The following CCDC146 variants were observed in gnomAD, a reference collection of about 807,000 sequenced individuals.
CCDC146 encodes coiled-coil domain containing 146.
A neutral mutation model predicts 119.3 loss-of-function variants in CCDC146; 92 were observed. The ratio of observed to expected loss-of-function variants is 0.77; its 90% CI spans 0.65 to 0.92. The LOEUF is 0.92. CCDC146 is among the 40% of genes least tolerant of loss of function. The pLI is 0.00. For synonymous variants in CCDC146, 372 were observed against 371.8 expected, an observed-to-expected ratio of 1.00 and a Z score of -0.01; for missense variants, 1,000 against 1,103.0, an observed-to-expected ratio of 0.91 and a Z score of 1.32.
intron 4 of CCDC146, among the ~76,000 whole-genome samples, chr7:77,250,071 CT>C (rs1240807794): frequency 6.6e-6 from 1 of 152,152 alleles, no homozygotes; most frequent in Admixed American, 6.5e-5. Flanking sequence ...ACTTCAAGTA[CT>C]TTTTAAGTAA....
At chr7:77,263,994 A>AGTAG in intron 9 of CCDC146, among the ~76,000 whole-genome samples, 1 of 152,166 alleles carries the variant, frequency 6.6e-6, no homozygotes, top group African/African-American at 2.4e-5. Flanking sequence ...AAAACCAATA[A>AGTAG]AACATGTATG....
At chr7:77,258,575 T>A (rs1271258893) in intron 6 of CCDC146, among the ~76,000 whole-genome samples, 2 of 152,224 alleles carry the variant, frequency 1.3e-5, no homozygotes, top group Non-Finnish European at 2.9e-5. Context: ...ATAATAAGCT[T>A]TGTATTAGGT....
intron 6 of CCDC146, among the ~76,000 whole-genome samples, chr7:77,256,743 T>C (rs1793187177): frequency 6.6e-6 from 1 of 152,090 alleles, no homozygotes; most frequent in Non-Finnish European, 1.5e-5. Context: ...GCGGAAAAGG[T>C]CTCTCCTGAC....
intron 2 of CCDC146, among the ~76,000 whole-genome samples, chr7:77,209,439 C>A (rs771933540): frequency 5.3e-5 from 8 of 152,228 alleles, no homozygotes; most frequent in Non-Finnish European, 8.8e-5. Context: ...TGTGGCTCTG[C>A]AGAGTACAGC....
At chr7:77,279,126 CT>C (rs1793714279) in intron 13 of CCDC146, 25 bp downstream of exon 13, 1 of 1,595,644 alleles carries the variant, frequency 6.3e-7, no homozygotes. Context: ...AACTATTGGC[CT>C]TTCAAAGGCT....
intron 2 of CCDC146, among the ~76,000 whole-genome samples, chr7:77,232,701 CT>C (rs901764077): frequency 7.9e-5 from 12 of 152,210 alleles, no homozygotes; most frequent in Non-Finnish European, 1.8e-4. Flanking sequence ...TGCCCAGGGT[CT>C]CCCTGTAGAG....
At chr7:77,141,687 T>C (rs1223100893) in intron 1 of CCDC146, among the ~76,000 whole-genome samples, 10 of 152,284 alleles carry the variant, frequency 6.6e-5, no homozygotes, top group Non-Finnish European at 1.2e-4. Context: ...GAGCTTTTTT[T>C]CATATGTTTG....
At chr7:77,250,398 C>A (rs1442808515) in intron 4 of CCDC146, among the ~76,000 whole-genome samples, 1 of 152,186 alleles carries the variant, frequency 6.6e-6, no homozygotes, top group African/African-American at 2.4e-5. Flanking sequence ...CAATTTTTAT[C>A]TGAGAAAGGC....
At chr7:77,289,770 T>C (rs953793451) in intron 17 of CCDC146, among the ~76,000 whole-genome samples, 2 of 152,220 alleles carry the variant, frequency 1.3e-5, no homozygotes, top group African/African-American at 4.8e-5. Flanking sequence ...CAGTTAAGAC[T>C]TGGAGCAACC....
In CCDC146 at chr7:77,204,680, C is replaced by T. The variant is rs538127880; in HGVS notation, c.157-32267C>T. ...GAACTGGAATATTCCACAAGAGTCTCGGAAAGTTCATCAGTCAATACCTAT... is the reference window on the plus strand; with the variant it reads ...GAACTGGAATATTCCACAAGAGTCTTGGAAAGTTCATCAGTCAATACCTAT... On this transcript the variant is annotated intron_variant, in intron 2 of 18. Transcript: ENST00000285871. 6.6e-5 allele frequency among the ~76,000 whole-genome samples: 10 copies of T among 152,228 alleles called. No individual in the cohort carries two copies. The South Asian group carries it at 1.2e-3, about 19-fold the overall frequency.
At chr7:77,281,536 T>C (rs1793765177) in intron 14 of CCDC146, among the ~76,000 whole-genome samples, 1 of 152,218 alleles carries the variant, frequency 6.6e-6, no homozygotes, top group African/African-American at 2.4e-5. Context: ...AAGCAAACTT[T>C]GATTGTGTGC....
intron 2 of CCDC146, among the ~76,000 whole-genome samples, chr7:77,188,117 C>T (rs1210896200): frequency 3.3e-5 from 5 of 152,120 alleles, no homozygotes; most frequent in Admixed American, 6.6e-5. Context: ...GTTCTGACCA[C>T]GAGGCACCCC....
intron 12 of CCDC146, 31 bp downstream of exon 12, chr7:77,278,871 T>A: frequency 6.3e-7 from 1 of 1,597,158 alleles, no homozygotes; most frequent in Non-Finnish European, 8.6e-7. Flanking sequence ...TTTATCTACG[T>A]AGGTGAGGGG....
intron 1 of CCDC146, among the ~76,000 whole-genome samples, chr7:77,128,051 T>C (rs532495365): frequency 6.0e-4 from 92 of 152,262 alleles, no homozygotes; most frequent in African/African-American, 2.1e-3. Flanking sequence ...TATTTTACTG[T>C]GGTTTCTTTA....
intron 9 of CCDC146, among the ~76,000 whole-genome samples, chr7:77,269,144 T>C (rs1385885081): frequency 2.6e-5 from 4 of 152,148 alleles, no homozygotes; most frequent in Non-Finnish European, 5.9e-5. Context: ...CTAATTTTCT[T>C]TTTTCTTTTA....
chr7:77,163,453 A>C (rs575533283), intron 1 of CCDC146, among the ~76,000 whole-genome samples: 1 of 152,330 alleles, frequency 6.6e-6, no homozygotes, highest in African/African-American at 2.4e-5. Context: ...GTCTCAAAAA[A>C]AAAAATACAC....
At position 77,176,670 on chromosome 7, in the gene CCDC146, C is replaced by T. The variant is rs74505451; in HGVS notation, c.156+8846C>T. 2.0e-5 allele frequency among the ~76,000 whole-genome samples: 3 copies of T among 152,260 alleles called. No homozygotes were observed. In the South Asian group the frequency reaches 6.2e-4, roughly 32 times the overall value. On this transcript the variant is annotated intron_variant, in intron 2 of 18. Coordinates refer to ENST00000285871, the MANE Select transcript of CCDC146 (RefSeq NM_020879.3). ...CTTGATACCTATGTATATTTAACAA[C>T]ACAGTCTACCACTGTGGATTTAAAG...
intron 4 of CCDC146, among the ~76,000 whole-genome samples, chr7:77,250,941 A>T (rs942474229): frequency 4.5e-4 from 50 of 112,038 alleles, no homozygotes; most frequent in Admixed American, 1.0e-4. Context: ...GGCATTCTTC[A>T]TTTCTGATAC....
intron 4 of CCDC146, among the ~76,000 whole-genome samples, chr7:77,248,080 A>G (rs1274893372): frequency 2.0e-5 from 3 of 152,230 alleles, no homozygotes; most frequent in Non-Finnish European, 2.9e-5. Flanking sequence ...TATATATACA[A>G]TGGAATACTA....
Sources: allele counts gnomAD v4.1 joint callset (sites outside exome capture counted in the v4.1 genomes callset), GRCh38; gene constraint gnomAD v4.1.1; transcripts MANE v1.5; gene names NCBI Gene and HGNC (gene_info 2026-07-23, HGNC 2026-07-21).